The following LINGO3 variants were observed in gnomAD, a reference collection of about 807,000 sequenced individuals.
The protein encoded by LINGO3 is leucine rich repeat and Ig domain containing 3.
For missense variants in LINGO3, 750 were observed against 867.7 expected (o/e 0.86, Z 1.70); for synonymous variants, 427 against 444.2 (o/e 0.96, Z 0.49).
upstream of LINGO3, among the ~76,000 whole-genome samples, chr19:2,294,312 G>A (rs2025554549): frequency 6.6e-6 from 1 of 152,212 alleles, no homozygotes; most frequent in Admixed American, 6.5e-5. This position sits in a 1 kb window ranked among gnomAD's most constrained non-coding sequence, Gnocchi z 4.3. Flanking sequence ...ATTGCTGAGA[G>A]CCCCAGGAAG....
downstream of LINGO3, among the ~76,000 whole-genome samples, chr19:2,287,719 C>T (rs539006067): frequency 1.7e-4 from 26 of 152,316 alleles, no homozygotes; most frequent in East Asian, 1.5e-3. This position sits in a 1 kb window ranked among gnomAD's most constrained non-coding sequence, Gnocchi z 4.5. Flanking sequence ...CATCTGCAGG[C>T]CTGGCCTCTG....
rs748370587 is a variant in LINGO3 at position 2,291,827 on chromosome 19, G to C, written c.-51C>G. On this transcript the variant is annotated 5_prime_UTR_variant, in exon 1 of 1. Coordinates refer to ENST00000585527, the Ensembl canonical transcript of LINGO3. ...CGCCACCATCCTCCTGCGCACCTGC[G>C]GGCGGGCGGGGAGCGGGCAGCGTTA... 2.1e-5 allele frequency: 30 copies of C among 1,417,790 alleles called. No homozygotes were observed. The highest frequency in any genetic ancestry group is 2.6e-5 in the Non-Finnish European group (28 of 1,062,504). The allele number at this position is 1,417,790 out of a possible 1,614,324, so 87.8% of individuals were successfully genotyped here.
At chr19:2,292,399 CAAAAAAAAAAAAAA>C (rs1156254881), upstream of LINGO3, among the ~76,000 whole-genome samples, 2 of 42,592 alleles carry the variant, frequency 4.7e-5, no homozygotes, top group African/African-American at 1.7e-4. Context: ...AACCCTGTCT[CAAAAAAAAAAAAAA>C]AAAAAAAAAA....
the LINGO3 span, among the ~76,000 whole-genome samples, chr19:2,297,297 TCCC>T: frequency 1.0e-4 from 4 of 38,708 alleles, no homozygotes; most frequent in South Asian, 3.0e-3. Context: ...GCACCCTCCC[TCCC>T]CCCCTTTTTT....
Position 2,290,188 on chromosome 19 carries a change from G to T in LINGO3, c.1589C>A (p.Ser530Tyr). The stretch of plus-strand genomic sequence containing the variant: ...GAAGGTGATGCAGCCCATGGCGGTG[G>T]ACACCAGGATGGTGGTGAGGTCGAG... The change falls in exon 1 of 1, where the codon TCC becomes TAC. Residue 530 changes from serine to tyrosine, a missense_variant. By Grantham distance (144) the Ser-to-Tyr change is moderately radical. Coordinates refer to ENST00000585527, the Ensembl canonical transcript of LINGO3. The surrounding 1 kb of genome is among the most constrained non-coding windows in gnomAD (Gnocchi z 6.0). 1 of 1,611,782 alleles carries T rather than the reference G, an allele frequency of 6.2e-7. No individual in the cohort carries two copies.
the LINGO3 span, among the ~76,000 whole-genome samples, chr19:2,303,249 T>A: frequency 5.3e-5 from 8 of 152,146 alleles, no homozygotes; most frequent in African/African-American, 1.9e-4. Context: ...ACTGGCGTCT[T>A]TCCCCCAGCG....
chr19:2,300,713 C>A, the LINGO3 span, among the ~76,000 whole-genome samples: 1 of 152,174 alleles, frequency 6.6e-6, no homozygotes, highest in African/African-American at 2.4e-5. Flanking sequence ...CACTGCCAGG[C>A]CTCCGTCCCC....
At chr19:2,297,308 T>C in the LINGO3 span, among the ~76,000 whole-genome samples, 2 of 135,018 alleles carry the variant, frequency 1.5e-5, no homozygotes, top group Non-Finnish European at 3.2e-5. Flanking sequence ...CCCCCCCTTT[T>C]TTTTTTTTTT....
chr19:2,300,951 C>T, the LINGO3 span, among the ~76,000 whole-genome samples: 7 of 152,136 alleles, frequency 4.6e-5, no homozygotes, highest in Non-Finnish European at 1.0e-4. Flanking sequence ...AGAAGCGTCC[C>T]TGGCCTCCAC....
At chr19:2,303,355 G>T in the LINGO3 span, among the ~76,000 whole-genome samples, 11 of 53,090 alleles carry the variant, frequency 2.1e-4, no homozygotes, top group African/African-American at 5.6e-4. Context: ...GCAGGGAGCT[G>T]TGGGGGGGGG....
chr19:2,291,085 T>C (rs765034223), exon 1 of LINGO3: 3 of 1,609,922 alleles, frequency 1.9e-6, no homozygotes, highest in Non-Finnish European at 2.5e-6. Context: ...CAGCGGCCAG[T>C]TGTCAATCTC....
chr19:2,294,463 C>T (rs950215464), upstream of LINGO3, among the ~76,000 whole-genome samples: 1 of 152,158 alleles, frequency 6.6e-6, no homozygotes, highest in Admixed American at 6.5e-5. This position sits in a 1 kb window ranked among gnomAD's most constrained non-coding sequence, Gnocchi z 4.3. Flanking sequence ...TTTGTGGCGC[C>T]GTGTTCTGGC....
the LINGO3 span, among the ~76,000 whole-genome samples, chr19:2,303,767 C>T: frequency 1.3e-5 from 2 of 152,246 alleles, no homozygotes; most frequent in Non-Finnish European, 1.5e-5. Flanking sequence ...TCTCCCTCTC[C>T]ACCCGGTTAC....
chr19:2,295,458 G>A (rs574497095), upstream of LINGO3, among the ~76,000 whole-genome samples: 3 of 152,336 alleles, frequency 2.0e-5, no homozygotes, highest in South Asian at 2.1e-4. Flanking sequence ...CCTCTTGCCC[G>A]GCGCGGTGGC....
chr19:2,289,367 G>A (rs1599162899), downstream of LINGO3, among the ~76,000 whole-genome samples: 3 of 151,734 alleles, frequency 2.0e-5, no homozygotes, highest in African/African-American at 7.3e-5. Flanking sequence ...CCTGCCCCCT[G>A]CGGTCAGCTC....
the LINGO3 span, among the ~76,000 whole-genome samples, chr19:2,299,841 A>G: frequency 6.8e-6 from 1 of 146,622 alleles, no homozygotes; most frequent in Non-Finnish European, 1.5e-5. Context: ...CTCCTGCCTC[A>G]GCCTACCAAG....
Position 2,290,458 on chromosome 19 carries a change from G to A in LINGO3, c.1319C>T (p.Ala440Val). ...CGGCCGGTGCTGGGGGGTCACCCAG[G>A]CCACGGTGGGCGCCGGCTCGCCCTC... The change falls in exon 1 of 1, where the codon GCC becomes GTC. Residue 440 changes from alanine to valine, a missense_variant. By Grantham distance (64) the Ala-to-Val change is moderately conservative. Transcript: ENST00000585527. This position sits in a 1 kb window ranked among gnomAD's most constrained non-coding sequence, Gnocchi z 6.0. 1 of 1,453,782 alleles carries A rather than the reference G, an allele frequency of 6.9e-7. No individual in the cohort carries two copies. The highest frequency in any genetic ancestry group is 2.5e-5 in the Admixed American group (1 of 39,424). The allele number at this position is 1,453,782 out of a possible 1,614,324, so 90.1% of individuals were successfully genotyped here. A position where few individuals can be genotyped will look rare whatever the true frequency, so the allele number is the denominator to read the frequency against.
the LINGO3 span, among the ~76,000 whole-genome samples, chr19:2,303,830 C>A: frequency 2.0e-5 from 3 of 152,236 alleles, no homozygotes; most frequent in Admixed American, 2.0e-4. Context: ...GAACTGGACA[C>A]CAGGTGCTGA....
the LINGO3 span, among the ~76,000 whole-genome samples, chr19:2,299,274 C>A: frequency 6.6e-6 from 1 of 152,124 alleles, no homozygotes; most frequent in African/African-American, 2.4e-5. Context: ...TGACATGTCC[C>A]CTAAGGGTCT....
Sources: gnomAD v4.1 joint callset for allele counts (sites outside exome capture counted in the v4.1 genomes callset) on GRCh38, gnomAD v4.1.1 for gene constraint, Gnocchi (gnomAD v3.1) non-coding constraint, MANE v1.5 for transcripts, NCBI Gene and HGNC (gene_info 2026-07-23, HGNC 2026-07-21) for gene names.